Variants in XYLT1 observed in about 807,000 individuals in gnomAD.
The protein encoded by XYLT1 is beta-D-xylosyltransferase 1.
XYLT1 carries 36 observed loss-of-function variants against 91.3 expected under a neutral mutation model. The ratio of observed to expected loss-of-function variants is 0.39; its 90% CI spans 0.30 to 0.52. XYLT1 has a LOEUF of 0.52. Ranked by LOEUF, XYLT1 falls within the 20% of genes least tolerant of loss-of-function variation. The pLI is 0.68. For missense variants in XYLT1, 1,242 were observed against 1,284.5 expected (o/e 0.97, Z 0.51); for synonymous variants, 588 against 532.0 (o/e 1.11, Z -1.45).
chr16:17,276,401 C>T (rs1412170629), intron 2 of XYLT1, among the ~76,000 whole-genome samples: 1 of 152,194 alleles, frequency 6.6e-6, no homozygotes, highest in Non-Finnish European at 1.5e-5. Context: ...CCACAGGAAT[C>T]AAAGTGACAG....
At chr16:17,456,506 A>C (rs1000703103) in intron 1 of XYLT1, among the ~76,000 whole-genome samples, 3 of 151,458 alleles carry the variant, frequency 2.0e-5, no homozygotes, top group Admixed American at 2.0e-4. Flanking sequence ...CAGCTGATTG[A>C]TTGTTTTATG....
chr16:17,306,071 A>G (rs756214523), intron 2 of XYLT1, among the ~76,000 whole-genome samples: 16 of 152,124 alleles, frequency 1.1e-4, no homozygotes, highest in Non-Finnish European at 2.1e-4. Context: ...TAAAAAGCCA[A>G]CCCAGAGAGC....
intron 1 of XYLT1, among the ~76,000 whole-genome samples, chr16:17,436,479 C>T (rs865818047): frequency 3.3e-5 from 5 of 152,136 alleles, no homozygotes; most frequent in Admixed American, 6.6e-5. Context: ...ATAGTAGGGG[C>T]GTGGATGGCA....
At chr16:17,454,068 G>A (rs981147654) in intron 1 of XYLT1, among the ~76,000 whole-genome samples, 2 of 152,140 alleles carry the variant, frequency 1.3e-5, no homozygotes, top group Non-Finnish European at 2.9e-5. Flanking sequence ...GTATTACTGT[G>A]CTTTACTTCC....
intron 2 of XYLT1, among the ~76,000 whole-genome samples, chr16:17,354,456 G>C (rs1342008369): frequency 3.3e-5 from 5 of 152,198 alleles, no homozygotes; most frequent in African/African-American, 9.7e-5. Flanking sequence ...ATTCACACGA[G>C]GGAGAGAGGG....
chr16:17,165,158 T>A (rs912366411), intron 5 of XYLT1, among the ~76,000 whole-genome samples: 1 of 152,198 alleles, frequency 6.6e-6, no homozygotes, highest in African/African-American at 2.4e-5. Flanking sequence ...AATAGCAACA[T>A]CATCATCATC....
At chr16:17,432,824 T>C (rs1282091494) in intron 1 of XYLT1, among the ~76,000 whole-genome samples, 1 of 151,950 alleles carries the variant, frequency 6.6e-6, no homozygotes, top group African/African-American at 2.4e-5. Context: ...CTAAAGCAAG[T>C]CTTCCGACCC....
At chr16:17,438,412 T>C (rs1349041452) in intron 1 of XYLT1, among the ~76,000 whole-genome samples, 1 of 152,148 alleles carries the variant, frequency 6.6e-6, no homozygotes, top group Non-Finnish European at 1.5e-5. Flanking sequence ...ATGTCCTCAT[T>C]GGGGCAACTA....
At chr16:17,218,964 AGGAT>A (rs534080113) in intron 3 of XYLT1, among the ~76,000 whole-genome samples, 414 of 152,320 alleles carry the variant, frequency 2.7e-3, no homozygotes, top group Non-Finnish European at 4.2e-3. Context: ...AGCAGTGGAC[AGGAT>A]GGACTTATCA....
chr16:17,132,584 G>A (rs953479608), intron 9 of XYLT1, among the ~76,000 whole-genome samples: 7 of 150,320 alleles, frequency 4.7e-5, no homozygotes, highest in African/African-American at 1.7e-4. Flanking sequence ...ACCCTGAGCA[G>A]TTAGTACATA....
At chr16:17,127,582 A>G (rs893456812) in intron 10 of XYLT1, 84 bp downstream of exon 10, 4 of 1,471,288 alleles carry the variant, frequency 2.7e-6, no homozygotes, top group East Asian at 2.3e-5. Flanking sequence ...CTCCATCTCC[A>G]ACTAGAAGTG....
chr16:17,404,786 A>T (rs1324110794), intron 1 of XYLT1, among the ~76,000 whole-genome samples: 1 of 152,230 alleles, frequency 6.6e-6, no homozygotes, highest in Non-Finnish European at 1.5e-5. Flanking sequence ...TAAAAATTTA[A>T]AAAGAAAAAC....
At chr16:17,363,101 T>G (rs1011575776) in intron 1 of XYLT1, among the ~76,000 whole-genome samples, 2 of 152,180 alleles carry the variant, frequency 1.3e-5, no homozygotes, top group Admixed American at 6.5e-5. Context: ...CTTCTTGGGA[T>G]TGCAGATCAC....
chr16:17,376,931 C>G (rs934301259), intron 1 of XYLT1, among the ~76,000 whole-genome samples: 5 of 151,742 alleles, frequency 3.3e-5, no homozygotes, highest in African/African-American at 1.2e-4. Context: ...AATCCCAGCA[C>G]TGTGGGAGGC....
chr16:17,186,829 G>A (rs1004582262), intron 5 of XYLT1, among the ~76,000 whole-genome samples: 5 of 152,122 alleles, frequency 3.3e-5, no homozygotes, highest in Non-Finnish European at 5.9e-5. Flanking sequence ...TGGAGTCCCC[G>A]TCAGAGCACA....
chr16:17,430,655 C>T (rs1192763974), intron 1 of XYLT1, among the ~76,000 whole-genome samples: 1 of 152,170 alleles, frequency 6.6e-6, no homozygotes, highest in Non-Finnish European at 1.5e-5. Flanking sequence ...TATGATCTGA[C>T]AAAGGAATTC....
intron 2 of XYLT1, among the ~76,000 whole-genome samples, chr16:17,293,741 G>A (rs1270529582): frequency 5.3e-5 from 8 of 151,690 alleles, no homozygotes; most frequent in Admixed American, 1.3e-4. Flanking sequence ...CTCCCTCCTC[G>A]GATGCCCAAA....
chr16:17,236,319 C>G (rs2033247402), intron 3 of XYLT1, among the ~76,000 whole-genome samples: 1 of 152,040 alleles, frequency 6.6e-6, no homozygotes, highest in East Asian at 1.9e-4. Context: ...TGTGTAGGGT[C>G]TTACCACCTC....
chr16:17,113,639 G>T (rs1389749020), intron 11 of XYLT1, among the ~76,000 whole-genome samples: 1 of 152,212 alleles, frequency 6.6e-6, no homozygotes, highest in Non-Finnish European at 1.5e-5. Context: ...ATTCCAGAGA[G>T]GGCCCTGACA....
Sources: gnomAD v4.1 joint callset for allele counts (sites outside exome capture counted in the v4.1 genomes callset) on GRCh38, gnomAD v4.1.1 for gene constraint, MANE v1.5 for transcripts, NCBI Gene and HGNC (gene_info 2026-07-23, HGNC 2026-07-21) for gene names.